NCK2: variants seen among roughly 807,000 people sequenced by gnomAD.
The protein encoded by NCK2 is NCK adaptor protein 2.
In NCK2, 16 loss-of-function variants were observed where a neutral mutation model predicts 33.9. The observed-to-expected ratio is 0.47, with a 90% CI of 0.32 to 0.72. The LOEUF (loss-of-function observed/expected upper bound fraction) is 0.72, where lower values mean the gene tolerates loss of function less well. NCK2 is among the 30% of genes least tolerant of loss of function. The probability of loss-of-function intolerance (pLI) is 0.03; values close to 1 mark genes in which losing one functional copy is unlikely to be tolerated. For missense variants in NCK2, 418 were observed against 537.3 expected, an observed-to-expected ratio of 0.78 and a Z score of 2.19; for synonymous variants, 273 against 239.9, an observed-to-expected ratio of 1.14 and a Z score of -1.27.
intron 2 of NCK2, among the ~76,000 whole-genome samples, chr2:105,830,691 G>GTGTGTGTGTGTGTGTGTGTA (rs1553458048): frequency 2.3e-3 from 344 of 147,192 alleles, no homozygotes; most frequent in Middle Eastern, 6.9e-3. Flanking sequence ...GTGTGTGTGT[G>GTGTGTGTGTGTGTGTGTGTA]TGTGTGTGTG....
chr2:105,770,024 G>A (rs564294905), intron 1 of NCK2, among the ~76,000 whole-genome samples: 1 of 151,772 alleles, frequency 6.6e-6, no homozygotes, highest in East Asian at 1.9e-4. Flanking sequence ...GGGTGATTGT[G>A]CAGAGTACAG....
At chr2:105,892,845 CAAA>C (rs34235939) in intron 4 of NCK2, 134 bp from the exon 5 acceptor site, 1,604 of 467,138 alleles carry the variant, frequency 3.4e-3, no homozygotes, top group South Asian at 7.4e-3. Context: ...AACTCCATCT[CAAA>C]AAAAAAAAAA....
In NCK2 at chr2:105,893,534, C is replaced by T. The variant is rs1173623033; in HGVS notation, c.*358C>T. On this transcript the variant is annotated 3_prime_UTR_variant, in exon 5 of 5. Coordinates refer to ENST00000233154, the MANE Select transcript of NCK2 (RefSeq NM_003581.5). ...CGAGCCTAAGGCCACCCAGCGGCAG[C>T]GCCCGTGTCCTGGGCACTCAGCGTG... 4 of 248,892 alleles carry T rather than the reference C, an allele frequency of 1.6e-5. No individual in the cohort carries two copies. Among genetic ancestry groups the T allele is most frequent in the East Asian group, 1.7e-4 (2 of 12,066 alleles). 15.4% of individuals were successfully genotyped at this position (248,892 alleles called of 1,614,324 possible).
intron 1 of NCK2, among the ~76,000 whole-genome samples, chr2:105,799,588 G>A (rs750465829): frequency 5.9e-5 from 9 of 152,124 alleles, no homozygotes; most frequent in Admixed American, 2.0e-4. Context: ...CACCAAACAC[G>A]AGCTGATGAG....
chr2:105,855,386 G>A, intron 3 of NCK2, 97 bp downstream of exon 3: 1 of 871,710 alleles, frequency 1.1e-6, no homozygotes, highest in Non-Finnish European at 1.7e-6. Flanking sequence ...AAAAAAGTCT[G>A]TTTTAAAAGT....
At chr2:105,817,881 G>A (rs533359087) in intron 2 of NCK2, among the ~76,000 whole-genome samples, 50 of 152,188 alleles carry the variant, frequency 3.3e-4, no homozygotes, top group Admixed American at 3.2e-3. Context: ...CGATTCCTCA[G>A]GGATCTAGAA....
intron 2 of NCK2, among the ~76,000 whole-genome samples, chr2:105,849,078 T>C (rs1440433828): frequency 6.6e-6 from 1 of 152,178 alleles, no homozygotes; most frequent in East Asian, 1.9e-4. Flanking sequence ...CTGCGTATAT[T>C]TTGAATTAAG....
intron 3 of NCK2, among the ~76,000 whole-genome samples, chr2:105,880,936 ATTTTTTT>A (rs59005322): frequency 1.8e-4 from 19 of 103,540 alleles, no homozygotes; most frequent in South Asian, 6.6e-4. Flanking sequence ...CAGGTGGCTA[ATTTTTTT>A]TTTTTTTTTT....
At chr2:105,821,426 C>G (rs1192718592) in intron 2 of NCK2, among the ~76,000 whole-genome samples, 2 of 152,186 alleles carry the variant, frequency 1.3e-5, no homozygotes, top group Non-Finnish European at 2.9e-5. Flanking sequence ...CTGCCGCACT[C>G]TGGACCCCTG....
At chr2:105,803,323 A>G (rs78052211) in intron 1 of NCK2, among the ~76,000 whole-genome samples, 2,649 of 152,288 alleles carry the variant, frequency 0.017, 78 homozygotes, top group African/African-American at 0.059. Flanking sequence ...CTTGCAGCAG[A>G]TATCATAAAT....
At chr2:105,760,210 G>C (rs909811535) in intron 1 of NCK2, among the ~76,000 whole-genome samples, 2 of 152,120 alleles carry the variant, frequency 1.3e-5, no homozygotes, top group African/African-American at 4.8e-5. Flanking sequence ...TTTTCAGTGG[G>C]GATAGAAGGC....
intron 2 of NCK2, chr2:105,846,516 T>G (rs1169407394): frequency 6.6e-6 from 1 of 152,078 alleles, no homozygotes; most frequent in African/African-American, 2.4e-5. Context: ...CAGAAAACTG[T>G]AGATGATCTT....
At chr2:105,858,552 A>G (rs533845492) in intron 3 of NCK2, among the ~76,000 whole-genome samples, 1 of 152,154 alleles carries the variant, frequency 6.6e-6, no homozygotes, top group Non-Finnish European at 1.5e-5. Flanking sequence ...TAATTCATAA[A>G]TCCATGGTAA....
chr2:105,803,051 T>A (rs1674900993), intron 1 of NCK2, among the ~76,000 whole-genome samples: 1 of 152,202 alleles, frequency 6.6e-6, no homozygotes, highest in Non-Finnish European at 1.5e-5. Flanking sequence ...AACCTTGTTG[T>A]CATTTTTCAA....
At chr2:105,758,084 G>A (rs1187217350) in intron 1 of NCK2, among the ~76,000 whole-genome samples, 1 of 152,184 alleles carries the variant, frequency 6.6e-6, no homozygotes, top group Admixed American at 6.5e-5. Context: ...CTACTTACAT[G>A]TTGTTTATTG....
intron 1 of NCK2, among the ~76,000 whole-genome samples, chr2:105,802,183 A>G (rs1026353466): frequency 6.6e-6 from 1 of 152,184 alleles, no homozygotes; most frequent in African/African-American, 2.4e-5. Context: ...AAGCTGAACA[A>G]TGGACGGAAA....
At chr2:105,756,190 G>A (rs943632210) in intron 1 of NCK2, among the ~76,000 whole-genome samples, 8 of 152,172 alleles carry the variant, frequency 5.3e-5, no homozygotes, top group African/African-American at 1.9e-4. Context: ...TGTCTGCTTT[G>A]TTTAAATTAT....
chr2:105,873,025 C>T (rs888882050), intron 3 of NCK2, among the ~76,000 whole-genome samples: 1 of 152,290 alleles, frequency 6.6e-6, no homozygotes, highest in East Asian at 1.9e-4. Flanking sequence ...TGCCCTCACC[C>T]GGCTGCCAGG....
chr2:105,765,263 TA>T (rs1689900919), intron 1 of NCK2, among the ~76,000 whole-genome samples: 1 of 152,262 alleles, frequency 6.6e-6, no homozygotes. Flanking sequence ...AGAGTGATGA[TA>T]AAACAGTGTC....
Sources: allele counts gnomAD v4.1 joint callset (sites outside exome capture counted in the v4.1 genomes callset), GRCh38; gene constraint gnomAD v4.1.1; transcripts MANE v1.5; gene names NCBI Gene and HGNC (gene_info 2026-07-23, HGNC 2026-07-21).